The following SRP68 variants were observed in gnomAD, a reference collection of about 807,000 sequenced individuals.
SRP68 encodes signal recognition particle 68, also known as signal recognition particle subunit SRP68.
SRP68 carries 15 observed loss-of-function variants against 82.2 expected under a neutral mutation model. The observed-to-expected ratio is 0.18, with a 90% CI of 0.12 to 0.28. The LOEUF (loss-of-function observed/expected upper bound fraction) is 0.28, where lower values mean the gene tolerates loss of function less well. SRP68 is among the 10% of genes least tolerant of loss of function. SRP68 has a pLI of 1.00. For missense variants in SRP68, 595 were observed against 780.5 expected (o/e 0.76, Z 2.83); for synonymous variants, 261 against 292.6 (o/e 0.89, Z 1.10).
rs1567935170 is a variant in SRP68, at chr17:76,062,727, T to TACAA, written c.562-1154_562-1153insTTGT. Among the ~76,000 whole-genome samples, 112 of 20,174 alleles carry TACAA rather than the reference T, an allele frequency of 5.6e-3. 37 individuals carry two copies. The highest frequency in any genetic ancestry group is 6.1e-3 in the Non-Finnish European group (85 of 13,862). 13.2% of individuals were successfully genotyped at this position (20,174 alleles called of 152,430 possible). On this transcript the variant is annotated intron_variant, in intron 4 of 15. Coordinates refer to ENST00000307877, the MANE Select transcript of SRP68 (RefSeq NM_014230.4). Reference sequence around the variant, plus strand: ...TATATTATACAATATATTATATTTATTTTATATATATATATATATATATAT... The same window carrying TACAA: ...TATATTATACAATATATTATATTTATACAATTTATATATATATATATATATATAT...
chr17:76,061,115 T>C lies in SRP68; in HGVS notation c.749A>G (p.Asn250Ser). 3 of 1,602,106 alleles carry C rather than the reference T, an allele frequency of 1.9e-6. No homozygotes were observed. The highest frequency in any genetic ancestry group is 2.6e-6 in the Non-Finnish European group (3 of 1,169,096). Residue 250 changes from asparagine to serine, a missense_variant, in exon 6 of 16, where the codon AAT becomes AGT. Transcript: ENST00000307877. ...ISPNIRYCAY[N>S]IGDQSAINEL... ...GCCTTGATCCCTGCTCTCACCAATATTATATGCACAATAGCGGATGTTGGG... is the reference window on the plus strand; with the variant it reads ...GCCTTGATCCCTGCTCTCACCAATACTATATGCACAATAGCGGATGTTGGG...
rs1237803524 is a variant in SRP68, at chr17:76,070,288, TATTTGCTG to T, written c.251+82_251+89del. ...AAACAATGCTCTAGACTTTCTAGCA[TATTTGCTG>T]ATATAGCAGAGTAAACAGGATATTA... On this transcript the variant is annotated intron_variant, in intron 2 of 15. Transcript: ENST00000307877. The T allele has an allele frequency of 9.9e-5, 92 of 925,610 alleles. 1 individual carries two copies. The highest frequency in any genetic ancestry group is 1.7e-5 in the African/African-American group (1 of 57,292). 57.3% of individuals were successfully genotyped at this position (925,610 alleles called of 1,614,324 possible).
At chr17:76,062,467 CCAAA>C (rs1281171533) in intron 4 of SRP68, among the ~76,000 whole-genome samples, 13 of 116,262 alleles carry the variant, frequency 1.1e-4, no homozygotes, top group South Asian at 7.4e-4. Flanking sequence ...AACAAAAAAC[CCAAA>C]CAAAGAATAT....
intron 3 of SRP68, 90 bp from the exon 4 acceptor site, chr17:76,064,261 C>T: frequency 8.6e-7 from 1 of 1,167,756 alleles, no homozygotes; most frequent in Non-Finnish European, 1.2e-6. Context: ...CTCGGCTTTT[C>T]TTTATACTCT....
rs1567934805 is a variant in SRP68, at chr17:76,062,587, A to ATATAT, written c.562-1018_562-1014dup. Among the ~76,000 whole-genome samples, 12 of 31,204 alleles carry ATATAT rather than the reference A, an allele frequency of 3.8e-4. 1 individual carries two copies. Among genetic ancestry groups the ATATAT allele is most frequent in the African/African-American group, 2.6e-3 (12 of 4,538 alleles). 20.5% of individuals were successfully genotyped at this position (31,204 alleles called of 152,430 possible). A position where few individuals can be genotyped will look rare whatever the true frequency, so the allele number is the denominator to read the frequency against. ...TATATTATATAATATACATTATATA[A>ATATAT]TATATAATATACATTATATATTATA... On this transcript the variant is annotated intron_variant, in intron 4 of 15. Coordinates refer to ENST00000307877, the MANE Select transcript of SRP68 (RefSeq NM_014230.4).
In SRP68 at chr17:76,039,073, T is replaced by C; in HGVS notation, c.*633A>G. 1 of 296,686 alleles carries C rather than the reference T, an allele frequency of 3.4e-6. No individual in the cohort carries two copies. Among genetic ancestry groups the C allele is most frequent in the South Asian group, 3.2e-5 (1 of 31,354 alleles). 18.4% of individuals were successfully genotyped at this position (296,686 alleles called of 1,614,324 possible). ...CCGAGGAGAGAACGGGGACTGGACA[T>C]GAGGGAGGGCATATAAGAAATGGGC... is the stretch of plus-strand genomic sequence containing the variant. On this transcript the variant is annotated 3_prime_UTR_variant, in exon 16 of 16. Transcript: ENST00000307877.
At chr17:76,052,678 C>T (rs1280951551) in intron 8 of SRP68, among the ~76,000 whole-genome samples, 1 of 151,830 alleles carries the variant, frequency 6.6e-6, no homozygotes, top group Non-Finnish European at 1.5e-5. Flanking sequence ...GTGGTGGGCA[C>T]CTGTAGTCCC....
chr17:76,050,553 G>C (rs768966583), intron 8 of SRP68, 27 bp from the exon 9 acceptor site: 4 of 1,577,290 alleles, frequency 2.5e-6, no homozygotes, highest in Admixed American at 3.3e-5. Context: ...CAAAGTAAGA[G>C]ACTTTCCTTT....
Position 76,039,866 on chromosome 17 carries a change from A to G in SRP68, c.1724T>C (p.Val575Ala). The G allele has an allele frequency of 6.2e-7, 1 of 1,614,232 alleles. No individual in the cohort carries two copies. ...PSLVTKQANL[V>A]HFPPGFQPIP... is the part of the protein sequence containing the mutation. ...GGGCTGGAAGCCTGGTGGGAAGTGC[A>G]CAAGGTTGGCTTGCTTGGTGACAAG... The change falls in exon 16 of 16, where the codon GTG becomes GCG. Residue 575 changes from valine to alanine, a missense_variant. By Grantham distance (64) the Val-to-Ala change is moderately conservative. Around this residue, in one of 2 missense-constraint regions of SRP68, gnomAD observed 495 missense variants for 688.6 expected, o/e 0.72. Transcript: ENST00000307877.
intron 13 of SRP68, among the ~76,000 whole-genome samples, chr17:76,042,855 G>A (rs1019681600): frequency 1.3e-5 from 2 of 152,146 alleles, no homozygotes; most frequent in African/African-American, 2.4e-5. Flanking sequence ...AAACTGCTGG[G>A]ATTACAGGCA....
intron 6 of SRP68, 103 bp from the exon 7 acceptor site, chr17:76,060,493 C>T: frequency 1.4e-6 from 1 of 733,884 alleles, no homozygotes; most frequent in Non-Finnish European, 2.4e-6. Context: ...CCACATGCTA[C>T]TTCAATGAAT....
intron 13 of SRP68, among the ~76,000 whole-genome samples, chr17:76,042,086 A>G (rs1451030993): frequency 1.3e-5 from 2 of 151,468 alleles, no homozygotes; most frequent in Non-Finnish European, 2.9e-5. Context: ...GGGTTTCACT[A>G]TGTTGGCCAG....
chr17:76,072,076 C>T lies in SRP68; in HGVS notation c.184+232G>A, dbSNP rs1242303050. On this transcript the variant is annotated intron_variant, in intron 1 of 15. Coordinates refer to ENST00000307877, the MANE Select transcript of SRP68 (RefSeq NM_014230.4). The surrounding 1 kb of genome is among the most constrained non-coding windows in gnomAD (Gnocchi z 4.5). ...ACCAGGGGAAACCTGCCTGATATCC[C>T]AGTGCCACTGGAAGAAACGGACCTA... is the stretch of plus-strand genomic sequence containing the variant. 2 of 755,498 alleles carry T rather than the reference C, an allele frequency of 2.6e-6. No homozygotes were observed. Among genetic ancestry groups the T allele is most frequent in the Admixed American group, 6.5e-5 (2 of 30,544 alleles). 46.8% of individuals were successfully genotyped at this position (755,498 alleles called of 1,614,324 possible).
chr17:76,070,612 G>A (rs1456767555), intron 1 of SRP68, among the ~76,000 whole-genome samples, 168 bp from the exon 2 acceptor site: 2 of 152,042 alleles, frequency 1.3e-5, no homozygotes, highest in African/African-American at 2.4e-5. Flanking sequence ...AGGCCGAGGC[G>A]GGTGTATCAC....
At chr17:76,060,125 C>CAAAAAAA (rs1168111688) in intron 7 of SRP68, among the ~76,000 whole-genome samples, 183 bp downstream of exon 7, 210 of 28,612 alleles carry the variant, frequency 7.3e-3, no homozygotes, top group African/African-American at 0.013. Context: ...GACTCCATCT[C>CAAAAAAA]AAAAAAAAAA....
At position 76,057,407 on chromosome 17, in the gene SRP68, A is replaced by G; in HGVS notation, c.974T>C (p.Val325Ala). 2 of 1,614,188 alleles carry G rather than the reference A, an allele frequency of 1.2e-6. No individual in the cohort carries two copies. The highest frequency in any genetic ancestry group is 1.7e-6 in the Non-Finnish European group (2 of 1,180,026). Residue 325 changes from valine to alanine, a missense_variant, in exon 8 of 16, where the codon GTC becomes GCC. Physicochemically the swap from Val to Ala is moderately conservative, Grantham distance 64. Coordinates refer to ENST00000307877, the MANE Select transcript of SRP68 (RefSeq NM_014230.4). ...LGLADNEAAI[V>A]QAESEETKER... Reference sequence around the variant, plus strand: ...CAGTAAGTTCTTCCTCCTCACCTGGACAATAGCTGCTTCGTTATCAGCCAG... The same window carrying G: ...CAGTAAGTTCTTCCTCCTCACCTGGGCAATAGCTGCTTCGTTATCAGCCAG...
intron 12 of SRP68, 67 bp downstream of exon 12, chr17:76,045,225 G>T (rs2066620643): frequency 1.6e-6 from 2 of 1,252,692 alleles, no homozygotes; most frequent in Non-Finnish European, 2.3e-6. Context: ...CTGTGGGCTG[G>T]GTCATGCTCC....
intron 8 of SRP68, 77 bp downstream of exon 8, chr17:76,057,326 G>A (rs1343580205): frequency 6.4e-6 from 10 of 1,567,154 alleles, no homozygotes; most frequent in African/African-American, 2.7e-5. Flanking sequence ...GAATACCAAC[G>A]AGCCACTACA....
chr17:76,057,859 G>C (rs761889856), intron 7 of SRP68, among the ~76,000 whole-genome samples: 6 of 152,156 alleles, frequency 3.9e-5, no homozygotes, highest in Non-Finnish European at 8.8e-5. Context: ...ATTTTTAGTA[G>C]AGACGAGGTT....
Sources: allele counts gnomAD v4.1 joint callset (sites outside exome capture counted in the v4.1 genomes callset), GRCh38; gene constraint gnomAD v4.1.1; regional missense constraint gnomAD v4.1.1; non-coding constraint Gnocchi (gnomAD v3.1); transcripts MANE v1.5; gene names NCBI Gene and HGNC (gene_info 2026-07-23, HGNC 2026-07-21).